Variants in CDYL2 observed in about 807,000 individuals in gnomAD.
The protein encoded by CDYL2 is chromodomain Y-like protein 2.
In CDYL2, 23 loss-of-function variants were observed where a neutral mutation model predicts 49.4. The ratio of observed to expected loss-of-function variants is 0.47; its 90% CI spans 0.34 to 0.66. CDYL2 has a LOEUF of 0.66. CDYL2 is among the 30% of genes least tolerant of loss of function. The probability of loss-of-function intolerance (pLI) is 0.01; values close to 1 mark genes in which losing one functional copy is unlikely to be tolerated. For missense variants in CDYL2, 678 were observed against 656.4 expected (o/e 1.03, Z -0.36); for synonymous variants, 360 against 268.8 (o/e 1.34, Z -3.32).
chr16:80,614,858 T>C (rs1417314597), intron 4 of CDYL2, among the ~76,000 whole-genome samples: 1 of 138,224 alleles, frequency 7.2e-6, no homozygotes, highest in Non-Finnish European at 1.5e-5. Context: ...AGTGAGACTC[T>C]GTCTCAGGGA....
chr16:80,746,835 A>T (rs1370994717), intron 1 of CDYL2, among the ~76,000 whole-genome samples: 1 of 151,522 alleles, frequency 6.6e-6, no homozygotes, highest in Non-Finnish European at 1.5e-5. Context: ...GAGCTTGCTT[A>T]AAAAACTGAG....
intron 4 of CDYL2, among the ~76,000 whole-genome samples, chr16:80,617,493 T>G (rs1300360190): frequency 6.6e-6 from 1 of 152,198 alleles, no homozygotes; most frequent in African/African-American, 2.4e-5. Flanking sequence ...TGCGCTTCTC[T>G]CAGGACACCC....
At chr16:80,688,906 C>A (rs1314392385) in intron 1 of CDYL2, among the ~76,000 whole-genome samples, 1 of 152,114 alleles carries the variant, frequency 6.6e-6, no homozygotes, top group Non-Finnish European at 1.5e-5. Context: ...CAAAAACAAA[C>A]AAACAAAAAC....
intron 1 of CDYL2, among the ~76,000 whole-genome samples, chr16:80,722,508 TC>T (rs1905031184): frequency 6.6e-6 from 1 of 152,304 alleles, no homozygotes; most frequent in African/African-American, 2.4e-5. Flanking sequence ...GGCAAAGTCA[TC>T]AACAACGGAA....
chr16:80,772,368 A>T (rs972563494), intron 1 of CDYL2, among the ~76,000 whole-genome samples: 7 of 152,258 alleles, frequency 4.6e-5, no homozygotes, highest in African/African-American at 1.7e-4. Flanking sequence ...AAACACTCAA[A>T]AACAACAGCA....
intron 1 of CDYL2, among the ~76,000 whole-genome samples, chr16:80,748,451 T>C (rs981732090): frequency 4.0e-5 from 5 of 126,284 alleles, no homozygotes; most frequent in African/African-American, 1.5e-4. Context: ...GGCGTGAACC[T>C]GGGAGGCGGA....
At chr16:80,774,637 A>G (rs1192548845) in intron 1 of CDYL2, among the ~76,000 whole-genome samples, 2 of 152,192 alleles carry the variant, frequency 1.3e-5, no homozygotes, top group East Asian at 3.8e-4. Flanking sequence ...GTATATAGAG[A>G]TCAAGACATC....
chr16:80,764,280 T>C (rs1305341052), intron 1 of CDYL2, among the ~76,000 whole-genome samples: 2 of 152,144 alleles, frequency 1.3e-5, no homozygotes, highest in Non-Finnish European at 2.9e-5. Context: ...CTAAGAACTG[T>C]TTTAAAAAGA....
intron 1 of CDYL2, among the ~76,000 whole-genome samples, chr16:80,738,506 A>G (rs1905619438): frequency 6.6e-6 from 1 of 152,200 alleles, no homozygotes; most frequent in Non-Finnish European, 1.5e-5. Context: ...AAAAAGCCAG[A>G]CACAAGAGAC....
At chr16:80,784,904 G>A (rs1907385246) in intron 1 of CDYL2, among the ~76,000 whole-genome samples, 2 of 152,174 alleles carry the variant, frequency 1.3e-5, no homozygotes, top group South Asian at 2.1e-4. Context: ...GCTCAAAAGG[G>A]TAAGAGGACA....
At chr16:80,766,323 G>A (rs570155364) in intron 1 of CDYL2, among the ~76,000 whole-genome samples, 1 of 152,086 alleles carries the variant, frequency 6.6e-6, no homozygotes, top group South Asian at 2.1e-4. Context: ...GCATTCAAAT[G>A]GCCAATAAAA....
chr16:80,730,717 A>G (rs1905297953), intron 1 of CDYL2, among the ~76,000 whole-genome samples: 1 of 152,234 alleles, frequency 6.6e-6, no homozygotes, highest in African/African-American at 2.4e-5. Context: ...AATACTGGCA[A>G]TAAGTGATGG....
rs1245948119 is a variant in CDYL2, at chr16:80,612,125, G to A, written c.1218+501C>T. Among the ~76,000 whole-genome samples the A allele has an allele frequency of 6.6e-6, 1 of 152,238 alleles. No individual in the cohort carries two copies. On this transcript the variant is annotated intron_variant, in intron 5 of 6. Transcript: ENST00000570137. This position sits in a 1 kb window ranked among gnomAD's most constrained non-coding sequence, Gnocchi z 5.0. The stretch of plus-strand genomic sequence containing the variant: ...CTGAGTCATGGCCAATACCACATGA[G>A]TGGAGGGGAAGACGCCCCTGCCGGC...
chr16:80,630,022 G>C (rs925954679), intron 3 of CDYL2, among the ~76,000 whole-genome samples: 9 of 152,198 alleles, frequency 5.9e-5, no homozygotes, highest in Non-Finnish European at 1.5e-5. Context: ...GTAACAGCAT[G>C]GTAAGTTGAA....
At chr16:80,678,959 G>C (rs1909864393) in intron 2 of CDYL2, among the ~76,000 whole-genome samples, 1 of 151,046 alleles carries the variant, frequency 6.6e-6, no homozygotes, top group Admixed American at 6.6e-5. Context: ...CACGTCCTTT[G>C]TAGGGACATG....
In CDYL2 at chr16:80,684,860, C is replaced by T; in HGVS notation, c.294G>A (p.Lys98=). 1 of 1,614,170 alleles carries T rather than the reference C, an allele frequency of 6.2e-7. No individual in the cohort carries two copies. Among genetic ancestry groups the T allele is most frequent in the Non-Finnish European group, 8.5e-7 (1 of 1,180,040 alleles). ...TCCGTTTATGGGAGGTCCCCTTGCT[C>T]TTTCCAGGATCTGAAGGTCTGTGGG... The part of the protein sequence containing the change: ...KLSHRPSDPG[K]SKGTSHKRKR... The change falls in exon 2 of 7, where the codon AAG becomes AAA. Residue 98 remains lysine, a synonymous_variant. Coordinates refer to ENST00000570137, the MANE Select transcript of CDYL2 (RefSeq NM_152342.4).
At chr16:80,611,570 C>T (rs1350675707) in intron 5 of CDYL2, among the ~76,000 whole-genome samples, 1 of 152,186 alleles carries the variant, frequency 6.6e-6, no homozygotes, top group East Asian at 1.9e-4. Context: ...CTCAGATTAA[C>T]CCCTCAGATG....
At position 80,739,066 on chromosome 16, in the gene CDYL2, G is replaced by C. The variant is rs113758995; in HGVS notation, c.25-53937C>G. Among the ~76,000 whole-genome samples the C allele has an allele frequency of 4.0e-3, 605 of 152,334 alleles. 3 individuals carry two copies. The highest frequency in any genetic ancestry group is 0.014 in the African/African-American group (572 of 41,574). Reference sequence around the variant, plus strand: ...TGGTATACACACACAATGGAGTATAGTCAGCCTTTAAAGGGAAGTAAATTC... The same window carrying C: ...TGGTATACACACACAATGGAGTATACTCAGCCTTTAAAGGGAAGTAAATTC... On this transcript the variant is annotated intron_variant, in intron 1 of 6. Transcript: ENST00000570137.
At chr16:80,745,455 C>A (rs1159811595) in intron 1 of CDYL2, among the ~76,000 whole-genome samples, 3 of 152,196 alleles carry the variant, frequency 2.0e-5, no homozygotes, top group East Asian at 1.9e-4. Context: ...CTGACACTTA[C>A]TAGCTGTGTG....
Sources: allele counts gnomAD v4.1 joint callset (sites outside exome capture counted in the v4.1 genomes callset), GRCh38; gene constraint gnomAD v4.1.1; non-coding constraint Gnocchi (gnomAD v3.1); transcripts MANE v1.5; gene names NCBI Gene and HGNC (gene_info 2026-07-23, HGNC 2026-07-21).